PRKN: variants seen among roughly 807,000 people sequenced by gnomAD.
The protein encoded by PRKN is E3 ubiquitin-protein ligase parkin.
A neutral mutation model predicts 59.5 loss-of-function variants in PRKN; 56 were observed. The observed-to-expected ratio is 0.94, with a 90% CI of 0.76 to 1.18. The LOEUF (loss-of-function observed/expected upper bound fraction) is 1.18. Among genes scored for constraint, PRKN ranks in the 50% most tolerant of loss-of-function variants. PRKN has a pLI of 0.00. For synonymous variants in PRKN, 250 were observed against 222.1 expected (o/e 1.13, Z -1.12); for missense variants, 657 against 596.4 (o/e 1.10, Z -1.06).
chr6:161,980,371 A>C (rs1781213763), intron 5 of PRKN, among the ~76,000 whole-genome samples: 1 of 152,190 alleles, frequency 6.6e-6, no homozygotes, highest in Admixed American at 6.5e-5. Flanking sequence ...AAGGTTGCAA[A>C]GGGTATAGGG....
At chr6:162,111,506 C>T (rs770842154) in intron 4 of PRKN, among the ~76,000 whole-genome samples, 3 of 151,980 alleles carry the variant, frequency 2.0e-5, no homozygotes, top group Admixed American at 6.6e-5. Flanking sequence ...ACAAATCCAC[C>T]AACACACACG....
At chr6:162,083,175 G>A (rs1052035210) in intron 4 of PRKN, among the ~76,000 whole-genome samples, 17 of 151,758 alleles carry the variant, frequency 1.1e-4, no homozygotes, top group Non-Finnish European at 1.9e-4. Flanking sequence ...GGCTGGTCTC[G>A]AACTCCTGAC....
chr6:162,109,557 A>C (rs1239463206), intron 4 of PRKN, among the ~76,000 whole-genome samples: 2 of 152,164 alleles, frequency 1.3e-5, no homozygotes, highest in Non-Finnish European at 2.9e-5. Flanking sequence ...AGATGAGTAA[A>C]CAGAGTTGAC....
chr6:161,687,751 G>A (rs1443452712), intron 7 of PRKN, among the ~76,000 whole-genome samples: 1 of 151,918 alleles, frequency 6.6e-6, no homozygotes, highest in Non-Finnish European at 1.5e-5. Flanking sequence ...CCACCGCGCC[G>A]GGCCAAGATA....
At chr6:162,106,399 CTT>C (rs11398715) in intron 4 of PRKN, among the ~76,000 whole-genome samples, 3 of 144,444 alleles carry the variant, frequency 2.1e-5, no homozygotes, top group African/African-American at 5.1e-5. Flanking sequence ...GAGTGAATTC[CTT>C]TTTTTTTTTT....
chr6:162,474,163 A>G (rs1253345240), intron 1 of PRKN, among the ~76,000 whole-genome samples: 1 of 152,208 alleles, frequency 6.6e-6, no homozygotes, highest in Non-Finnish European at 1.5e-5. Context: ...AGAAATATTT[A>G]CATAACATAG....
At chr6:162,625,208 C>T (rs143406420) in intron 1 of PRKN, among the ~76,000 whole-genome samples, 3 of 152,296 alleles carry the variant, frequency 2.0e-5, no homozygotes, top group East Asian at 3.9e-4. Context: ...TCACGATGAG[C>T]GTGTAACTGA....
chr6:162,234,082 C>T (rs1307966037), intron 3 of PRKN, among the ~76,000 whole-genome samples: 2 of 152,092 alleles, frequency 1.3e-5, no homozygotes, highest in Admixed American at 6.6e-5. Flanking sequence ...GAAAAAGATG[C>T]AGCTCAGAAT....
At chr6:162,183,380 C>T (rs1783884007) in intron 4 of PRKN, among the ~76,000 whole-genome samples, 2 of 152,152 alleles carry the variant, frequency 1.3e-5, no homozygotes, top group African/African-American at 2.4e-5. Context: ...GGAGCTGTTT[C>T]CCTGCCATCA....
At chr6:161,990,062 G>A (rs757634342) in intron 5 of PRKN, among the ~76,000 whole-genome samples, 2 of 152,048 alleles carry the variant, frequency 1.3e-5, no homozygotes, top group Non-Finnish European at 2.9e-5. Flanking sequence ...CACCACCCAG[G>A]AGCCCAAGGA....
intron 6 of PRKN, among the ~76,000 whole-genome samples, chr6:161,963,182 A>G (rs1389336489): frequency 5.3e-5 from 8 of 152,052 alleles, no homozygotes; most frequent in Non-Finnish European, 8.8e-5. Context: ...ACAAACAAAA[A>G]ACACCCACCA....
intron 5 of PRKN, among the ~76,000 whole-genome samples, chr6:162,018,785 A>G (rs557410874): frequency 3.3e-5 from 5 of 152,306 alleles, no homozygotes; most frequent in Admixed American, 2.6e-4. Flanking sequence ...AATAAATCCT[A>G]CATGAGTGGG....
rs1443051485 is a variant in PRKN, at chr6:161,360,936, A to G, written c.1168-731T>C. ...AACACCTTGTGCATTGGGGGTATGG[A>G]GGATTCTATGAGTTAATTTCTTCAA... On this transcript the variant is annotated intron_variant, in intron 10 of 11. Transcript: ENST00000366898. The surrounding 1 kb of genome is among the most constrained non-coding windows in gnomAD (Gnocchi z 5.1). Among the ~76,000 whole-genome samples the G allele has an allele frequency of 6.6e-6, 1 of 152,054 alleles. No homozygotes were observed. The highest frequency in any genetic ancestry group is 2.4e-5 in the African/African-American group (1 of 41,408).
chr6:162,323,359 GATA>G (rs1483955652), intron 2 of PRKN, among the ~76,000 whole-genome samples: 2 of 151,632 alleles, frequency 1.3e-5, no homozygotes, highest in African/African-American at 2.4e-5. Flanking sequence ...GAATTTCTTA[GATA>G]ATAATACAAA....
At chr6:161,743,777 G>C (rs1243362173) in intron 7 of PRKN, among the ~76,000 whole-genome samples, 1 of 152,114 alleles carries the variant, frequency 6.6e-6, no homozygotes, top group Non-Finnish European at 1.5e-5. Flanking sequence ...AATGAGTATA[G>C]CCAACAGTAT....
rs1189948231 is a variant in PRKN, at chr6:161,460,574, C to T, written c.1084-73697G>A. Among the ~76,000 whole-genome samples, 4 of 151,992 alleles carry T rather than the reference C, an allele frequency of 2.6e-5. No homozygotes were observed. Among genetic ancestry groups the T allele is most frequent in the Admixed American group, 6.6e-5 (1 of 15,262 alleles). On this transcript the variant is annotated intron_variant, in intron 9 of 11. Coordinates refer to ENST00000366898, the MANE Select transcript of PRKN (RefSeq NM_004562.3). This position sits in a 1 kb window ranked among gnomAD's most constrained non-coding sequence, Gnocchi z 5.0. Reference sequence around the variant, plus strand: ...AAGGAGCAATGCTGGGGTAGAAGCCCCAGGTGCCACATGTGCTGGCAGGAG... The same window carrying T: ...AAGGAGCAATGCTGGGGTAGAAGCCTCAGGTGCCACATGTGCTGGCAGGAG...
chr6:162,605,523 AC>A (rs539812831), intron 1 of PRKN, among the ~76,000 whole-genome samples: 1 of 152,118 alleles, frequency 6.6e-6, no homozygotes, highest in Admixed American at 6.5e-5. Flanking sequence ...AATTCAAAAC[AC>A]CCTAAGAACT....
At chr6:162,647,111 C>T (rs556019915) in intron 1 of PRKN, among the ~76,000 whole-genome samples, 2 of 152,004 alleles carry the variant, frequency 1.3e-5, no homozygotes, top group African/African-American at 2.4e-5. Flanking sequence ...GCCCTCTCCA[C>T]AAAGGTAAAC....
intron 6 of PRKN, among the ~76,000 whole-genome samples, chr6:161,966,833 G>T (rs1009913908): frequency 6.6e-6 from 1 of 152,162 alleles, no homozygotes; most frequent in Non-Finnish European, 1.5e-5. Context: ...TATTTTGTTT[G>T]TTTGTTTGTT....
Sources: allele counts gnomAD v4.1 joint callset (sites outside exome capture counted in the v4.1 genomes callset), GRCh38; gene constraint gnomAD v4.1.1; non-coding constraint Gnocchi (gnomAD v3.1); transcripts MANE v1.5; gene names NCBI Gene and HGNC (gene_info 2026-07-23, HGNC 2026-07-21).